Variants in MROH9 observed in about 807,000 individuals in gnomAD.
MROH9 encodes maestro heat-like repeat-containing protein family member 9.
MROH9 carries 92 observed loss-of-function variants against 98.2 expected under a neutral mutation model. The observed-to-expected ratio is 0.94, with a 90% CI of 0.79 to 1.11. The LOEUF is 1.11. Among genes scored for constraint, MROH9 ranks in the 50% most tolerant of loss-of-function variants. The probability of loss-of-function intolerance (pLI) is 0.00; values close to 1 mark genes in which losing one functional copy is unlikely to be tolerated. For missense variants in MROH9, 1,057 were observed against 1,014.8 expected, an observed-to-expected ratio of 1.04 and a Z score of -0.57; for synonymous variants, 397 against 368.9, an observed-to-expected ratio of 1.08 and a Z score of -0.87.
chr1:170,965,406 T>C, intron 7 of MROH9, 151 bp downstream of exon 7: 1 of 549,694 alleles, frequency 1.8e-6, no homozygotes, highest in South Asian at 2.6e-5. Flanking sequence ...GGAGTCAATA[T>C]CCCACATGAC....
At chr1:171,028,090 G>A (rs1652786595) in intron 20 of MROH9, among the ~76,000 whole-genome samples, 1 of 152,100 alleles carries the variant, frequency 6.6e-6, no homozygotes, top group African/African-American at 2.4e-5. Context: ...TGGTGTTTTT[G>A]TCATGAAATC....
At chr1:170,950,148 C>T (rs1649492935) in intron 3 of MROH9, among the ~76,000 whole-genome samples, 1 of 152,004 alleles carries the variant, frequency 6.6e-6, no homozygotes, top group African/African-American at 2.4e-5. Flanking sequence ...TTCATAGATC[C>T]TGGCTGCACA....
At chr1:171,023,061 G>A (rs1218392476) in intron 17 of MROH9, among the ~76,000 whole-genome samples, 3 of 152,142 alleles carry the variant, frequency 2.0e-5, no homozygotes, top group Admixed American at 6.5e-5. Flanking sequence ...GCTCACGCCT[G>A]TAATCCCAAC....
chr1:170,988,265 G>T (rs1331938763), intron 10 of MROH9, among the ~76,000 whole-genome samples: 1 of 152,122 alleles, frequency 6.6e-6, no homozygotes, highest in African/African-American at 2.4e-5. Flanking sequence ...GGAGTGCAAG[G>T]TGACTGAAAA....
intron 20 of MROH9, among the ~76,000 whole-genome samples, chr1:171,033,441 A>G (rs1652995099): frequency 1.3e-5 from 2 of 152,212 alleles, no homozygotes; most frequent in African/African-American, 4.8e-5. Context: ...AGTTTCATCA[A>G]AAAAGCACAG....
rs59883013 is a variant in MROH9, at chr1:170,935,982, C to CAA, written c.-38+420_-38+421dup. ...ACTCCAGCCTGGCAACAGAGTGAGACAAAAAAAAAAAAAAAAAAAAAAAAA... is the reference window on the plus strand; with the variant it reads ...ACTCCAGCCTGGCAACAGAGTGAGACAAAAAAAAAAAAAAAAAAAAAAAAAAA... On this transcript the variant is annotated intron_variant, in intron 1 of 21. Coordinates refer to ENST00000367759, the MANE Select transcript of MROH9 (RefSeq NM_001163629.2). Among the ~76,000 whole-genome samples, 43 of 62,252 alleles carry CAA rather than the reference C, an allele frequency of 6.9e-4. 2 individuals are homozygous for CAA. The highest frequency in any genetic ancestry group is 1.9e-3 in the African/African-American group (36 of 19,192). The allele number at this position is 62,252 out of a possible 152,430, so 40.8% of individuals were successfully genotyped here.
chr1:171,014,403 G>A, intron 16 of MROH9, 149 bp downstream of exon 16: 1 of 709,630 alleles, frequency 1.4e-6, no homozygotes, highest in Non-Finnish European at 2.2e-6. Context: ...TATTAACAAG[G>A]AAACTGAGTT....
intron 9 of MROH9, among the ~76,000 whole-genome samples, chr1:170,986,358 TA>T: frequency 6.6e-6 from 1 of 152,300 alleles, no homozygotes; most frequent in South Asian, 2.1e-4. Flanking sequence ...ACTTGGATTA[TA>T]GTCATTTTTG....
chr1:170,966,413 G>A (rs1382834625), intron 7 of MROH9, among the ~76,000 whole-genome samples: 3 of 151,978 alleles, frequency 2.0e-5, no homozygotes, highest in Admixed American at 6.6e-5. Context: ...ATCCTTCACA[G>A]CGATTTGTAA....
At chr1:170,959,943 G>T (rs1461162038) in intron 5 of MROH9, among the ~76,000 whole-genome samples, 1 of 152,172 alleles carries the variant, frequency 6.6e-6, no homozygotes, top group Non-Finnish European at 1.5e-5. Flanking sequence ...AACATCTGCG[G>T]TCTCCATTTC....
chr1:170,997,806 G>C (rs758630373), intron 14 of MROH9, among the ~76,000 whole-genome samples: 60 of 152,112 alleles, frequency 3.9e-4, no homozygotes, highest in Admixed American at 6.6e-4. Flanking sequence ...CCACAAAGAT[G>C]ACCTGTATGC....
At chr1:171,002,052 A>G (rs1651802114) in intron 15 of MROH9, among the ~76,000 whole-genome samples, 1 of 152,190 alleles carries the variant, frequency 6.6e-6, no homozygotes, top group African/African-American at 2.4e-5. Context: ...TGATATAAGA[A>G]TAGCTACTCC....
At chr1:171,009,511 C>T (rs1384539219) in intron 15 of MROH9, among the ~76,000 whole-genome samples, 1 of 152,006 alleles carries the variant, frequency 6.6e-6, no homozygotes, top group Non-Finnish European at 1.5e-5. Context: ...CTATTAGATG[C>T]CAGGGTTTTC....
Position 170,983,476 on chromosome 1 carries a change from C to T in MROH9, c.671C>T (p.Ser224Phe). 1 of 1,613,336 alleles carries T rather than the reference C, an allele frequency of 6.2e-7. No homozygotes were observed. The highest frequency in any genetic ancestry group is 8.5e-7 in the Non-Finnish European group (1 of 1,179,602). ...NGKSHSLQFP[S>F]SDVEFLPKEF... ...AAAAGTCATAGCCTCCAGTTTCCTT[C>T]TTCTGATGTAGAATTTCTACCCAAG... is the stretch of plus-strand genomic sequence containing the variant. Residue 224 changes from serine (S) to phenylalanine (F), a missense_variant, in exon 9 of 22, where the codon TCT becomes TTT. By Grantham distance (155) the Ser-to-Phe change is radical. Transcript: ENST00000367759.
intron 1 of MROH9, among the ~76,000 whole-genome samples, chr1:170,939,259 A>G (rs1248954296): frequency 6.6e-6 from 1 of 152,222 alleles, no homozygotes; most frequent in East Asian, 1.9e-4. Flanking sequence ...ATGAATCAGT[A>G]TATAATCACA....
chr1:171,025,063 A>C (rs2101842765), intron 19 of MROH9, among the ~76,000 whole-genome samples: 1 of 152,248 alleles, frequency 6.6e-6, no homozygotes. Flanking sequence ...GAAAACTAGA[A>C]TTACTTTGCC....
chr1:170,951,681 A>G (rs1172084195), intron 3 of MROH9, among the ~76,000 whole-genome samples: 1 of 152,132 alleles, frequency 6.6e-6, no homozygotes, highest in Non-Finnish European at 1.5e-5. Context: ...AGGTGCGTGA[A>G]TGTGATTCAA....
intron 8 of MROH9, among the ~76,000 whole-genome samples, chr1:170,983,101 C>T (rs1446147843): frequency 6.6e-6 from 1 of 152,162 alleles, no homozygotes; most frequent in Admixed American, 6.6e-5. Context: ...ACTTTCCCTG[C>T]CAATAGACCC....
At chr1:170,992,013 A>AAT in intron 11 of MROH9, 151 bp from the exon 12 acceptor site, 1 of 656,954 alleles carries the variant, frequency 1.5e-6, no homozygotes, top group Non-Finnish European at 2.3e-6. Flanking sequence ...ATCATTTGGA[A>AAT]ATAGGAATCT....
Sources: allele counts gnomAD v4.1 joint callset (sites outside exome capture counted in the v4.1 genomes callset), GRCh38; gene constraint gnomAD v4.1.1; transcripts MANE v1.5; gene names NCBI Gene and HGNC (gene_info 2026-07-23, HGNC 2026-07-21).